The following MACROD2 variants were observed in gnomAD, a reference collection of about 807,000 sequenced individuals.
The protein encoded by MACROD2 is mono-ADP ribosylhydrolase 2.
A neutral mutation model predicts 70.4 loss-of-function variants in MACROD2; 36 were observed. The ratio of observed to expected loss-of-function variants is 0.51; its 90% CI spans 0.39 to 0.68. The LOEUF (loss-of-function observed/expected upper bound fraction) is 0.68, where lower values mean the gene tolerates loss of function less well. MACROD2 is among the 30% of genes least tolerant of loss of function. The pLI, the probability that MACROD2 is intolerant of heterozygous loss-of-function variation, is 0.00. For synonymous variants in MACROD2, 172 were observed against 178.8 expected (o/e 0.96, Z 0.30); for missense variants, 496 against 538.4 (o/e 0.92, Z 0.78).
intron 3 of MACROD2, among the ~76,000 whole-genome samples, chr20:14,398,948 A>G (rs1478079561): frequency 6.6e-6 from 1 of 151,524 alleles, no homozygotes. Context: ...TAGATTTCTT[A>G]TAATGTAGTT....
At chr20:14,428,264 G>A (rs944846599) in intron 3 of MACROD2, among the ~76,000 whole-genome samples, 35 of 152,106 alleles carry the variant, frequency 2.3e-4, no homozygotes, top group African/African-American at 8.2e-4. Flanking sequence ...TAAAATCTTG[G>A]TATTCTAATT....
At chr20:14,317,525 A>G (rs1761903029) in intron 3 of MACROD2, among the ~76,000 whole-genome samples, 1 of 151,126 alleles carries the variant, frequency 6.6e-6, no homozygotes, top group Admixed American at 6.6e-5. Context: ...CTGAGGCAGG[A>G]GAATCGCTTG....
intron 13 of MACROD2, chr20:15,986,018 G>C (rs921405086): frequency 2.6e-5 from 4 of 152,186 alleles, no homozygotes; most frequent in African/African-American, 9.7e-5. Flanking sequence ...ACAGGGCAGA[G>C]AGTTTCACAA....
At chr20:14,328,198 T>G (rs903092309) in intron 3 of MACROD2, among the ~76,000 whole-genome samples, 1 of 152,138 alleles carries the variant, frequency 6.6e-6, no homozygotes, top group Non-Finnish European at 1.5e-5. Context: ...AATGGATGGA[T>G]TTCTGCAAGA....
chr20:14,384,765 C>T (rs536447287), intron 3 of MACROD2, among the ~76,000 whole-genome samples: 296 of 152,192 alleles, frequency 1.9e-3, no homozygotes, highest in African/African-American at 6.6e-3. Flanking sequence ...TATTGTAACT[C>T]TTGTAACAAC....
At chr20:14,124,825 A>C (rs1361187147) in intron 3 of MACROD2, among the ~76,000 whole-genome samples, 1 of 152,156 alleles carries the variant, frequency 6.6e-6, no homozygotes. Flanking sequence ...AATTAAAAAC[A>C]TATGTTTTCG....
At chr20:15,713,536 G>GGAGA (rs34377128) in intron 8 of MACROD2, among the ~76,000 whole-genome samples, 131 of 150,446 alleles carry the variant, frequency 8.7e-4, no homozygotes, top group South Asian at 5.5e-3. Flanking sequence ...CTCGATGGCA[G>GGAGA]GAGAGAGAGA....
intron 5 of MACROD2, among the ~76,000 whole-genome samples, chr20:14,936,336 G>T (rs1305012560): frequency 6.6e-6 from 1 of 152,116 alleles, no homozygotes. Context: ...ATACAGTGAG[G>T]TCATTTCAGA....
At chr20:16,042,029 G>T (rs2067314481) in intron 16 of MACROD2, among the ~76,000 whole-genome samples, 1 of 151,928 alleles carries the variant, frequency 6.6e-6, no homozygotes, top group Non-Finnish European at 1.5e-5. Flanking sequence ...TTGCCATTTG[G>T]GTTATTTTAG....
chr20:15,263,026 C>T (rs1170667451), intron 6 of MACROD2, among the ~76,000 whole-genome samples: 1 of 152,072 alleles, frequency 6.6e-6, no homozygotes, highest in Non-Finnish European at 1.5e-5. Flanking sequence ...CTTTGTTGTA[C>T]AGAAGCTTTT....
At chr20:15,944,648 G>T (rs1054698922) in intron 12 of MACROD2, among the ~76,000 whole-genome samples, 1 of 152,056 alleles carries the variant, frequency 6.6e-6, no homozygotes, top group African/African-American at 2.4e-5. Context: ...AAATGATCAT[G>T]ATCATTTCTG....
chr20:14,953,383 T>G (rs2074490785), intron 5 of MACROD2, among the ~76,000 whole-genome samples: 1 of 151,390 alleles, frequency 6.6e-6, no homozygotes, highest in South Asian at 2.1e-4. Context: ...CTCGGCTCAC[T>G]GCAAACTCCG....
chr20:15,893,613 T>C (rs1400028239), intron 10 of MACROD2: 1 of 428,816 alleles, frequency 2.3e-6, no homozygotes, highest in East Asian at 7.0e-5. Flanking sequence ...GTTGATGAGA[T>C]GTTCTTTTCA....
intron 5 of MACROD2, among the ~76,000 whole-genome samples, chr20:15,072,971 A>C (rs1304345036): frequency 6.6e-6 from 1 of 152,144 alleles, no homozygotes; most frequent in Non-Finnish European, 1.5e-5. Flanking sequence ...TGGGTTTGTT[A>C]GCATGAGAAT....
intron 4 of MACROD2, among the ~76,000 whole-genome samples, chr20:14,678,853 C>A (rs1485125302): frequency 6.6e-6 from 1 of 152,072 alleles, no homozygotes; most frequent in Non-Finnish European, 1.5e-5. Flanking sequence ...AACCTCATCA[C>A]CAGATTTGTG....
At chr20:14,660,933 T>C (rs1167953097) in intron 4 of MACROD2, among the ~76,000 whole-genome samples, 2 of 152,156 alleles carry the variant, frequency 1.3e-5, no homozygotes, top group African/African-American at 4.8e-5. Flanking sequence ...ATGTACCACA[T>C]TTCCTTTATC....
chr20:14,273,141 G>T (rs1004181277), intron 3 of MACROD2, among the ~76,000 whole-genome samples: 1 of 152,116 alleles, frequency 6.6e-6, no homozygotes, highest in African/African-American at 2.4e-5. Context: ...GCACCAAGCG[G>T]ATCTAATAGA....
At chr20:14,640,531 G>A (rs2123490033) in intron 4 of MACROD2, among the ~76,000 whole-genome samples, 1 of 152,220 alleles carries the variant, frequency 6.6e-6, no homozygotes, top group African/African-American at 2.4e-5. Context: ...AGGTCAAAGA[G>A]TGCTGAGAAG....
intron 8 of MACROD2, among the ~76,000 whole-genome samples, chr20:15,785,823 A>G (rs2051916001): frequency 6.6e-6 from 1 of 152,174 alleles, no homozygotes; most frequent in Non-Finnish European, 1.5e-5. Context: ...AAAAATCAAT[A>G]ATACTTTTGG....
Sources: gnomAD v4.1 joint callset for allele counts (sites outside exome capture counted in the v4.1 genomes callset) on GRCh38, gnomAD v4.1.1 for gene constraint, MANE v1.5 for transcripts, NCBI Gene and HGNC (gene_info 2026-07-23, HGNC 2026-07-21) for gene names.